The following STPG2 variants were observed in gnomAD, a reference collection of about 807,000 sequenced individuals.
The protein encoded by STPG2 is sperm-tail PG-rich repeat-containing protein 2.
A neutral mutation model predicts 54.2 loss-of-function variants in STPG2; 56 were observed. That is an observed-to-expected ratio of 1.03 (90% CI 0.83 to 1.29). The LOEUF is 1.29. Among genes scored for constraint, STPG2 ranks in the 50% most tolerant of loss-of-function variants. The pLI is 0.00. For missense variants in STPG2, 596 were observed against 544.9 expected, an observed-to-expected ratio of 1.09 and a Z score of -0.93; for synonymous variants, 200 against 181.8, an observed-to-expected ratio of 1.10 and a Z score of -0.81.
At chr4:97,486,820 T>G (rs1203851396) in intron 4 of STPG2, among the ~76,000 whole-genome samples, 1 of 133,198 alleles carries the variant, frequency 7.5e-6, no homozygotes, top group Admixed American at 7.4e-5. Context: ...TGTGTGTGTG[T>G]GTGTGTGTGT....
intron 8 of STPG2, among the ~76,000 whole-genome samples, chr4:97,937,823 G>T (rs772735976): frequency 3.9e-5 from 6 of 152,174 alleles, no homozygotes; most frequent in Non-Finnish European, 8.8e-5. Flanking sequence ...CCTGTATATG[G>T]TGTCTGCTGA....
intron 10 of STPG2, among the ~76,000 whole-genome samples, chr4:97,655,103 A>G (rs955187575): frequency 6.6e-6 from 1 of 152,092 alleles, no homozygotes; most frequent in African/African-American, 2.4e-5. Flanking sequence ...TTTATATAGT[A>G]TGTGTTTTAC....
chr4:97,752,765 T>C (rs1725616861), intron 9 of STPG2, among the ~76,000 whole-genome samples: 1 of 151,790 alleles, frequency 6.6e-6, no homozygotes, highest in Admixed American at 6.6e-5. Flanking sequence ...AAGATTTAAT[T>C]TCCTCTTCTT....
intron 7 of STPG2, among the ~76,000 whole-genome samples, chr4:97,952,612 A>G (rs1733514335): frequency 6.6e-6 from 1 of 152,162 alleles, no homozygotes; most frequent in Non-Finnish European, 1.5e-5. Flanking sequence ...CAAGGGATCC[A>G]CTGATGTAAC....
intron 10 of STPG2, among the ~76,000 whole-genome samples, chr4:97,611,299 G>A (rs1173188747): frequency 6.6e-6 from 1 of 151,414 alleles, no homozygotes; most frequent in Non-Finnish European, 1.5e-5. Context: ...AGTATGTGGA[G>A]AGATCACAGA....
At chr4:98,043,165 T>C (rs1737017953) in intron 5 of STPG2, among the ~76,000 whole-genome samples, 1 of 152,018 alleles carries the variant, frequency 6.6e-6, no homozygotes, top group African/African-American at 2.4e-5. Context: ...TTTATTTCAT[T>C]TACAATTTGC....
At chr4:97,887,578 T>A (rs553723823) in intron 8 of STPG2, among the ~76,000 whole-genome samples, 1 of 152,238 alleles carries the variant, frequency 6.6e-6, no homozygotes, top group East Asian at 1.9e-4. Flanking sequence ...CTCATATACA[T>A]GAGGAAATCA....
intron 8 of STPG2, among the ~76,000 whole-genome samples, chr4:97,916,037 C>T (rs1025839489): frequency 2.0e-5 from 3 of 152,082 alleles, no homozygotes; most frequent in Admixed American, 6.5e-5. Flanking sequence ...TGACAGAACT[C>T]GGCAATCACT....
downstream of STPG2, among the ~76,000 whole-genome samples, chr4:97,557,704 T>C (rs968611642): frequency 3.2e-4 from 48 of 152,142 alleles, no homozygotes; most frequent in African/African-American, 1.1e-3. Context: ...GCCAAGCAAA[T>C]AGACAAAAGT....
intron 10 of STPG2, among the ~76,000 whole-genome samples, chr4:97,579,687 G>A (rs1732814711): frequency 6.6e-6 from 1 of 151,990 alleles, no homozygotes; most frequent in South Asian, 2.1e-4. Flanking sequence ...CTTTGGCTGT[G>A]TTTTAAAGTG....
At chr4:97,701,409 T>C (rs568797291) in intron 10 of STPG2, among the ~76,000 whole-genome samples, 1 of 152,278 alleles carries the variant, frequency 6.6e-6, no homozygotes, top group Non-Finnish European at 1.5e-5. Context: ...CAATGTCAGC[T>C]CAGAGCCAGT....
At chr4:97,609,826 A>G (rs898147393) in intron 10 of STPG2, among the ~76,000 whole-genome samples, 1 of 151,930 alleles carries the variant, frequency 6.6e-6, no homozygotes, top group Non-Finnish European at 1.5e-5. Context: ...TACATGTTGA[A>G]TTCATTTCAA....
intron 10 of STPG2, among the ~76,000 whole-genome samples, chr4:97,676,261 A>C (rs1407890209): frequency 6.6e-6 from 1 of 151,564 alleles, no homozygotes; most frequent in Non-Finnish European, 1.5e-5. Flanking sequence ...CCTACCAGCT[A>C]TTTCAGATTC....
At chr4:97,486,827 G>GTA (rs773650944) in intron 4 of STPG2, among the ~76,000 whole-genome samples, 4,319 of 130,858 alleles carry the variant, frequency 0.033, 100 homozygotes, top group Middle Eastern at 0.06. Flanking sequence ...GTGTGTGTGT[G>GTA]TGTATATATA....
chr4:97,767,356 T>C (rs896389062), intron 9 of STPG2, among the ~76,000 whole-genome samples: 7 of 152,156 alleles, frequency 4.6e-5, no homozygotes, highest in Non-Finnish European at 7.4e-5. Flanking sequence ...TTGCTAATTT[T>C]TTAAAGATTT....
At chr4:98,068,313 T>C (rs571294823) in intron 5 of STPG2, among the ~76,000 whole-genome samples, 1 of 152,266 alleles carries the variant, frequency 6.6e-6, no homozygotes, top group Middle Eastern at 3.4e-3. Context: ...CTAAAAACCC[T>C]AGAGTATCCC....
intron 10 of STPG2, among the ~76,000 whole-genome samples, chr4:97,660,125 C>CCTA (rs1246640140): frequency 6.6e-6 from 1 of 152,028 alleles, no homozygotes; most frequent in East Asian, 1.9e-4. Flanking sequence ...GCCTCAGCCT[C>CCTA]CTGAGTAGCT....
At chr4:98,138,972 A>G (rs1740206395) in intron 1 of STPG2, among the ~76,000 whole-genome samples, 1 of 152,192 alleles carries the variant, frequency 6.6e-6, no homozygotes, top group African/African-American at 2.4e-5. Flanking sequence ...GAGTAGTCAC[A>G]TTAGTAAAAG....
At chr4:97,883,912 C>A (rs1049827559) in intron 8 of STPG2, among the ~76,000 whole-genome samples, 4 of 151,848 alleles carry the variant, frequency 2.6e-5, no homozygotes, top group African/African-American at 7.3e-5. Flanking sequence ...GAACACCATG[C>A]AGGATAAATA....
Sources: allele counts gnomAD v4.1 joint callset (sites outside exome capture counted in the v4.1 genomes callset), GRCh38; gene constraint gnomAD v4.1.1; transcripts MANE v1.5; gene names NCBI Gene and HGNC (gene_info 2026-07-23, HGNC 2026-07-21).